RNF38: variants seen among roughly 807,000 people sequenced by gnomAD.
RNF38 encodes the protein ring finger protein 38.
RNF38 carries 15 observed loss-of-function variants against 67.2 expected under a neutral mutation model. The observed-to-expected ratio is 0.22, with a 90% CI of 0.15 to 0.34. The LOEUF (loss-of-function observed/expected upper bound fraction) is 0.34. RNF38 is among the 10% of genes least tolerant of loss of function. The pLI is 1.00. For missense variants in RNF38, 524 were observed against 639.9 expected (o/e 0.82, Z 1.95); for synonymous variants, 220 against 218.8 (o/e 1.01, Z -0.05).
intron 1 of RNF38, among the ~76,000 whole-genome samples, chr9:36,437,106 G>GCCAGCCCTTT (rs1368947190): frequency 4.6e-5 from 7 of 152,212 alleles, no homozygotes; most frequent in Non-Finnish European, 8.8e-5. Flanking sequence ...GTGGCAGGCG[G>GCCAGCCCTTT]CCAGCCCTTT....
chr9:36,434,979 A>G (rs74811735), intron 1 of RNF38, among the ~76,000 whole-genome samples: 2,525 of 152,110 alleles, frequency 0.017, 114 homozygotes, highest in Admixed American at 0.094. Flanking sequence ...CTCTGCAACT[A>G]TAAGTGGAGG....
intron 1 of RNF38, among the ~76,000 whole-genome samples, chr9:36,430,912 T>C (rs533305106): frequency 7.2e-5 from 11 of 152,006 alleles, no homozygotes; most frequent in Middle Eastern, 3.4e-3. Flanking sequence ...AATTTATGAG[T>C]TGTCCACACC....
intron 11 of RNF38, among the ~76,000 whole-genome samples, chr9:36,341,270 T>A (rs1302263876): frequency 6.6e-6 from 1 of 152,202 alleles, no homozygotes; most frequent in Non-Finnish European, 1.5e-5. Flanking sequence ...TTTACACATA[T>A]AATGCTTTCC....
rs186022963 is a variant in RNF38 at position 36,452,910 on chromosome 9, A to C, written n.242-28227T>G. ...TTTGTTTATTCATCAGCGGAAGGGC[A>C]TTTGAATTGTTTCTGTTTTTCAGCT... On this transcript the variant is annotated intron_variant and non_coding_transcript_variant, in intron 1 of 3. Transcript: ENST00000488058. Among the ~76,000 whole-genome samples the C allele has an allele frequency of 2.3e-3, 344 of 152,280 alleles. 1 individual carries two copies. Among genetic ancestry groups the C allele is most frequent in the African/African-American group, 8.0e-3 (334 of 41,564 alleles).
At chr9:36,367,084 A>G (rs1289372493) in intron 4 of RNF38, among the ~76,000 whole-genome samples, 1 of 152,228 alleles carries the variant, frequency 6.6e-6, no homozygotes, top group Non-Finnish European at 1.5e-5. Flanking sequence ...TATTTTACGC[A>G]GGAAGGGTCT....
intron 4 of RNF38, among the ~76,000 whole-genome samples, chr9:36,362,868 G>A (rs1834667772): frequency 6.7e-6 from 1 of 149,472 alleles, no homozygotes; most frequent in African/African-American, 2.4e-5. Context: ...TCCTGACCTC[G>A]TGATCTGTCC....
intron 2 of RNF38, among the ~76,000 whole-genome samples, chr9:36,418,194 A>T (rs1838524473): frequency 1.3e-5 from 2 of 151,800 alleles, no homozygotes; most frequent in South Asian, 4.2e-4. Flanking sequence ...AGGCCCAGCT[A>T]ATTTTGTATT....
At chr9:36,418,084 A>G (rs985490645) in intron 2 of RNF38, among the ~76,000 whole-genome samples, 11 of 147,692 alleles carry the variant, frequency 7.4e-5, no homozygotes, top group African/African-American at 2.7e-4. Context: ...GTCTCACTCC[A>G]TCACCCAGGC....
chr9:36,405,097 T>A (rs545732486), upstream of RNF38, among the ~76,000 whole-genome samples: 3 of 152,224 alleles, frequency 2.0e-5, no homozygotes, highest in African/African-American at 7.2e-5. Context: ...AAACGCCATC[T>A]CTACTAAAAA....
intron 1 of RNF38, among the ~76,000 whole-genome samples, chr9:36,434,984 T>G: frequency 6.6e-6 from 1 of 150,988 alleles, no homozygotes; most frequent in African/African-American, 2.4e-5. Context: ...CAACTATAAG[T>G]GGAGGGTGGG....
chr9:36,400,495 C>T, upstream of RNF38: 1 of 1,004,614 alleles, frequency 1.0e-6, no homozygotes, highest in Non-Finnish European at 1.2e-6. Flanking sequence ...CGCAGGCTCT[C>T]AACGGCCCGC....
intron 2 of RNF38, among the ~76,000 whole-genome samples, chr9:36,384,932 G>A (rs999875949): frequency 1.3e-5 from 2 of 152,190 alleles, no homozygotes; most frequent in Admixed American, 6.5e-5. Context: ...CAAGGGAGGC[G>A]AGAGCCTTGA....
chr9:36,391,807 G>T (rs905775804), intron 1 of RNF38, among the ~76,000 whole-genome samples: 5 of 151,958 alleles, frequency 3.3e-5, no homozygotes, highest in Non-Finnish European at 7.4e-5. Flanking sequence ...TAGAGACGGG[G>T]TTTCACTGTG....
At chr9:36,476,178 G>A (rs528822075) in intron 1 of RNF38, among the ~76,000 whole-genome samples, 52 of 152,226 alleles carry the variant, frequency 3.4e-4, no homozygotes, top group African/African-American at 1.2e-3. Context: ...AGGCTAGAGT[G>A]CAGTGGCGTG....
chr9:36,350,458 T>C (rs1367842894), intron 9 of RNF38, among the ~76,000 whole-genome samples: 3 of 152,324 alleles, frequency 2.0e-5, no homozygotes, highest in East Asian at 3.9e-4. Context: ...GGACAACCAA[T>C]TGAGCTTTTC....
intron 2 of RNF38, among the ~76,000 whole-genome samples, chr9:36,383,719 ATGT>A (rs529321564): frequency 2.0e-5 from 3 of 151,850 alleles, no homozygotes; most frequent in Non-Finnish European, 4.4e-5. Flanking sequence ...GAGGCTCTGA[ATGT>A]TGTTTTCAAA....
chr9:36,357,690 G>C (rs1307799385), intron 5 of RNF38, 85 bp downstream of exon 5: 2 of 1,047,250 alleles, frequency 1.9e-6, no homozygotes, highest in African/African-American at 3.1e-5. Flanking sequence ...CCTCTAAAGA[G>C]GGTAAGAGTC....
chr9:36,414,036 T>C (rs1012694623), intron 2 of RNF38, among the ~76,000 whole-genome samples: 2 of 152,250 alleles, frequency 1.3e-5, no homozygotes, highest in Admixed American at 6.5e-5. Flanking sequence ...TCGTCTGATA[T>C]AAGGATAGCG....
At chr9:36,396,897 C>A (rs965655977) in intron 1 of RNF38, among the ~76,000 whole-genome samples, 1 of 151,732 alleles carries the variant, frequency 6.6e-6, no homozygotes, top group African/African-American at 2.4e-5. Context: ...ATTTCTAAGT[C>A]ATTCATCTCT....
Sources: gnomAD v4.1 joint callset for allele counts (sites outside exome capture counted in the v4.1 genomes callset) on GRCh38, gnomAD v4.1.1 for gene constraint, MANE v1.5 for transcripts, NCBI Gene and HGNC (gene_info 2026-07-23, HGNC 2026-07-21) for gene names.